SEMA3E: variants seen among roughly 807,000 people sequenced by gnomAD.
SEMA3E encodes the protein semaphorin 3E.
Under a neutral mutation model 93.6 loss-of-function variants are expected in SEMA3E, and 49 were observed. That is an observed-to-expected ratio of 0.52 (90% CI 0.42 to 0.66). The LOEUF (loss-of-function observed/expected upper bound fraction) is 0.66, where lower values mean the gene tolerates loss of function less well. Among genes scored for constraint, SEMA3E ranks in the 30% least tolerant of loss-of-function variants. The pLI, the probability that SEMA3E is intolerant of heterozygous loss-of-function variation, is 0.00. For missense variants in SEMA3E, 906 were observed against 964.8 expected (o/e 0.94, Z 0.81); for synonymous variants, 363 against 330.7 (o/e 1.10, Z -1.06).
intron 4 of SEMA3E, among the ~76,000 whole-genome samples, chr7:83,431,094 GAAAAAAAAA>G (rs869043431): frequency 4.7e-4 from 4 of 8,430 alleles, no homozygotes; most frequent in South Asian, 0.016. Flanking sequence ...AGAAAAAAAA[GAAAAAAAAA>G]AAAAGCCCAA....
At chr7:83,598,317 C>A (rs1410548614) in intron 1 of SEMA3E, among the ~76,000 whole-genome samples, 1 of 152,122 alleles carries the variant, frequency 6.6e-6, no homozygotes, top group African/African-American at 2.4e-5. Flanking sequence ...TTCATTATAT[C>A]AAAATGTAAT....
chr7:83,569,130 T>G (rs1490465455), intron 1 of SEMA3E, among the ~76,000 whole-genome samples: 1 of 129,552 alleles, frequency 7.7e-6, no homozygotes. Flanking sequence ...GCAATCCAAT[T>G]TGCAATAGCT....
At chr7:83,512,058 A>AC (rs1439017924) in intron 1 of SEMA3E, among the ~76,000 whole-genome samples, 1 of 152,102 alleles carries the variant, frequency 6.6e-6, no homozygotes, top group African/African-American at 2.4e-5. Context: ...TATTTTTTTT[A>AC]CCCCAAAGAA....
At chr7:83,640,559 A>T (rs1324522022) in intron 1 of SEMA3E, among the ~76,000 whole-genome samples, 1 of 152,164 alleles carries the variant, frequency 6.6e-6, no homozygotes, top group Non-Finnish European at 1.5e-5. Flanking sequence ...TTAGTATTTC[A>T]TTATTTCCTA....
rs748190137 is a variant in SEMA3E, at chr7:83,367,981, G to A, written c.1933C>T (p.His645Tyr). The A allele has an allele frequency of 4.3e-6, 7 of 1,613,810 alleles. No individual in the cohort carries two copies. The highest frequency in any genetic ancestry group is 1.3e-5 in the African/African-American group (1 of 74,866). The change falls in exon 17 of 17, where the codon CAC becomes TAC. Residue 645 changes from histidine to tyrosine, a missense_variant. His to Tyr is a moderately conservative substitution (Grantham distance 83, BLOSUM62 2). Transcript: ENST00000643230. ...AAATAGGTCCCAGCATCTGATTTGT[G>A]TAACCTTAGGAAGAGTAAACCAAGG... The part of the protein sequence containing the change: ...MDLGLLFLRL[H>Y]KSDAGTYFCQ...
At position 83,629,572 on chromosome 7, in the gene SEMA3E, G is replaced by T. The variant is rs568261198; in HGVS notation, c.115+18856C>A. 3.0e-4 allele frequency among the ~76,000 whole-genome samples: 45 copies of T among 152,198 alleles called. No homozygotes were observed. The East Asian group carries it at 8.1e-3, about 28-fold the overall frequency. ...GGGCTCTGCCCTATCTGAATTTCCC[G>T]GTGGCTGTGTTTATACTGTGAAGGG... On this transcript the variant is annotated intron_variant, in intron 1 of 16. Coordinates refer to ENST00000643230, the MANE Select transcript of SEMA3E (RefSeq NM_012431.3).
intron 1 of SEMA3E, among the ~76,000 whole-genome samples, chr7:83,575,839 T>C (rs1241504538): frequency 6.6e-6 from 1 of 152,212 alleles, no homozygotes; most frequent in Non-Finnish European, 1.5e-5. Flanking sequence ...CAGAGATATA[T>C]ATACTGTGAC....
intron 1 of SEMA3E, among the ~76,000 whole-genome samples, chr7:83,521,702 G>A (rs531238009): frequency 3.7e-4 from 57 of 152,170 alleles, no homozygotes; most frequent in Non-Finnish European, 6.9e-4. Context: ...GTCTTCTGGT[G>A]TTGTCCTCAT....
At chr7:83,585,925 G>A (rs964745918) in intron 1 of SEMA3E, among the ~76,000 whole-genome samples, 3 of 152,144 alleles carry the variant, frequency 2.0e-5, no homozygotes, top group Admixed American at 6.6e-5. Flanking sequence ...TTCATGAAAT[G>A]TTGGTAAATT....
chr7:83,593,221 C>CCTCT (rs1036834220), intron 1 of SEMA3E, among the ~76,000 whole-genome samples: 1 of 146,954 alleles, frequency 6.8e-6, no homozygotes, highest in Non-Finnish European at 1.5e-5. Context: ...ATCTCTGAAA[C>CCTCT]CTCTCTCTCT....
chr7:83,548,973 G>T lies in SEMA3E; in HGVS notation c.116-58699C>A, dbSNP rs182397199. ...AGAAGTCGAGCAACTTTCTCTTTCA[G>T]CCTATCACAACATATGCTCCAAAGA... On this transcript the variant is annotated intron_variant, in intron 1 of 16. Coordinates refer to ENST00000643230, the MANE Select transcript of SEMA3E (RefSeq NM_012431.3). Among the ~76,000 whole-genome samples, 11 of 152,154 alleles carry T rather than the reference G, an allele frequency of 7.2e-5. No individual in the cohort carries two copies. The East Asian group carries it at 1.7e-3, about 24-fold the overall frequency.
intron 4 of SEMA3E, among the ~76,000 whole-genome samples, chr7:83,453,053 A>T (rs1283634316): frequency 6.6e-6 from 1 of 152,134 alleles, no homozygotes; most frequent in Non-Finnish European, 1.5e-5. Context: ...TTTGAGATGG[A>T]GTCTTACTCT....
At chr7:83,425,289 C>G (rs371483582) in intron 4 of SEMA3E, among the ~76,000 whole-genome samples, 1 of 152,214 alleles carries the variant, frequency 6.6e-6, no homozygotes, top group African/African-American at 2.4e-5. Flanking sequence ...ATAAACAAAG[C>G]CCCAAACTAT....
intron 1 of SEMA3E, among the ~76,000 whole-genome samples, chr7:83,609,304 T>A (rs1793196126): frequency 6.6e-6 from 1 of 151,902 alleles, no homozygotes; most frequent in Non-Finnish European, 1.5e-5. Context: ...TAGAAAAAAA[T>A]TATGATACGG....
chr7:83,476,454 C>G (rs1300834156), intron 2 of SEMA3E, among the ~76,000 whole-genome samples: 1 of 152,108 alleles, frequency 6.6e-6, no homozygotes, highest in Non-Finnish European at 1.5e-5. Flanking sequence ...TATGAACACT[C>G]TCTACAGTAA....
In SEMA3E at chr7:83,445,930, T is replaced by C. The variant is rs541776225; in HGVS notation, c.456+20552A>G. 1.8e-4 allele frequency among the ~76,000 whole-genome samples: 28 copies of C among 152,274 alleles called. No homozygotes were observed. The East Asian group carries it at 5.2e-3, about 28-fold the overall frequency. On this transcript the variant is annotated intron_variant, in intron 4 of 16. Transcript: ENST00000643230. ...TCAAATGCTTTGAGTTAGAAAAAGG[T>C]GAAGGCAGCATTGGAGACTTAACAT...
At chr7:83,546,259 ATAACT>A (rs1286549719) in intron 1 of SEMA3E, among the ~76,000 whole-genome samples, 7 of 149,260 alleles carry the variant, frequency 4.7e-5, no homozygotes, top group Non-Finnish European at 1.0e-4. Flanking sequence ...AGATGACTGG[ATAACT>A]TAACTAGTTG....
chr7:83,460,777 C>T lies in SEMA3E; in HGVS notation c.456+5705G>A, dbSNP rs185408192. On this transcript the variant is annotated intron_variant, in intron 4 of 16. Coordinates refer to ENST00000643230, the MANE Select transcript of SEMA3E (RefSeq NM_012431.3). The stretch of plus-strand genomic sequence containing the variant: ...TCCGTGCCCCGGCCCCTTATTTCTG[C>T]GCCCCATCCCTTATTTCCGCACCCC... Among the ~76,000 whole-genome samples the T allele has an allele frequency of 4.7e-3, 707 of 150,800 alleles. 10 individuals are homozygous for T. Among genetic ancestry groups the T allele is most frequent in the African/African-American group, 0.016 (663 of 41,132 alleles).
At chr7:83,468,523 G>T (rs571304828) in intron 3 of SEMA3E, among the ~76,000 whole-genome samples, 2 of 152,016 alleles carry the variant, frequency 1.3e-5, no homozygotes, top group South Asian at 4.2e-4. Context: ...ATGAGGAGTT[G>T]GTATAATGTG....
Sources: allele counts gnomAD v4.1 joint callset (sites outside exome capture counted in the v4.1 genomes callset), GRCh38; gene constraint gnomAD v4.1.1; transcripts MANE v1.5; gene names NCBI Gene and HGNC (gene_info 2026-07-23, HGNC 2026-07-21).